Variants in ARHGAP26 observed in about 807,000 individuals in gnomAD.
ARHGAP26 encodes rho GTPase-activating protein 26.
A neutral mutation model predicts 104.8 loss-of-function variants in ARHGAP26; 38 were observed. That is an observed-to-expected ratio of 0.36 (90% CI 0.28 to 0.48). The LOEUF (loss-of-function observed/expected upper bound fraction) is 0.48, where lower values mean the gene tolerates loss of function less well. ARHGAP26 is among the 20% of genes least tolerant of loss of function. ARHGAP26 has a pLI of 0.99. For synonymous variants in ARHGAP26, 341 were observed against 340.0 expected (o/e 1.00, Z -0.03); for missense variants, 704 against 947.9 (o/e 0.74, Z 3.38).
intron 11 of ARHGAP26, among the ~76,000 whole-genome samples, chr5:142,976,179 A>G (rs900669579): frequency 1.3e-5 from 2 of 152,256 alleles, no homozygotes; most frequent in Non-Finnish European, 2.9e-5. Context: ...GCTCTTTCCC[A>G]TGAAGGATTC....
intron 20 of ARHGAP26, among the ~76,000 whole-genome samples, chr5:143,154,090 A>G (rs890812881): frequency 2.0e-5 from 3 of 151,762 alleles, no homozygotes; most frequent in African/African-American, 4.9e-5. Context: ...CATTCCACAA[A>G]TGTCAATTGA....
chr5:143,142,694 G>A (rs528188764), intron 19 of ARHGAP26, among the ~76,000 whole-genome samples: 2 of 152,264 alleles, frequency 1.3e-5, no homozygotes, highest in African/African-American at 4.8e-5. Flanking sequence ...GCTTCAGAAA[G>A]TCTGATTCCA....
intron 19 of ARHGAP26, among the ~76,000 whole-genome samples, chr5:143,146,753 C>G (rs1205993306): frequency 6.6e-6 from 1 of 152,182 alleles, no homozygotes; most frequent in African/African-American, 2.4e-5. Flanking sequence ...AATAGTAGAT[C>G]TTCTCTGGTG....
At chr5:142,927,220 C>G (rs778949779) in intron 10 of ARHGAP26, among the ~76,000 whole-genome samples, 2 of 151,784 alleles carry the variant, frequency 1.3e-5, no homozygotes, top group Non-Finnish European at 2.9e-5. Context: ...ATTTTAATAA[C>G]TTGTTATACA....
intron 3 of ARHGAP26, among the ~76,000 whole-genome samples, chr5:142,878,783 T>A (rs1157911336): frequency 1.3e-5 from 2 of 152,084 alleles, no homozygotes; most frequent in Non-Finnish European, 2.9e-5. Context: ...TTGAGGTGCA[T>A]TGGAGTGCCA....
rs1331788624 is a variant in ARHGAP26 at position 143,103,537 on chromosome 5, A to ATGT, written c.1539-17451_1539-17450insTGT. ...CTGTTCACAATAGCAAAGACTTGGA[A>ATGT]CCAACCCAAATGCCCATGAATGTTA... is the stretch of plus-strand genomic sequence containing the variant. On this transcript the variant is annotated intron_variant, in intron 17 of 22. Transcript: ENST00000645722. Among the ~76,000 whole-genome samples, 3 of 148,806 alleles carry ATGT rather than the reference A, an allele frequency of 2.0e-5. No homozygotes were observed. In the East Asian group the frequency reaches 5.9e-4, roughly 29 times the overall value.
At chr5:142,771,149 C>T (rs1755103925) in intron 1 of ARHGAP26, 3 of 1,292,270 alleles carry the variant, frequency 2.3e-6, no homozygotes, top group African/African-American at 1.5e-5. Context: ...CGGGAGGTGA[C>T]CCAGCGCGGG....
chr5:142,804,565 C>T (rs1762635295), intron 1 of ARHGAP26, among the ~76,000 whole-genome samples: 1 of 150,590 alleles, frequency 6.6e-6, no homozygotes, highest in Admixed American at 6.6e-5. Context: ...GATCTCGGCC[C>T]ACTGCAACCT....
At chr5:143,201,372 C>T (rs1209238773) in intron 20 of ARHGAP26, among the ~76,000 whole-genome samples, 1 of 152,154 alleles carries the variant, frequency 6.6e-6, no homozygotes, top group African/African-American at 2.4e-5. Context: ...ATCATTTTCT[C>T]CTCTTTTAAT....
intron 5 of ARHGAP26, among the ~76,000 whole-genome samples, chr5:142,892,102 T>C (rs1758749298): frequency 6.6e-6 from 1 of 151,974 alleles, no homozygotes; most frequent in African/African-American, 2.4e-5. Flanking sequence ...TTTCCCTGCT[T>C]GGAGTAAACT....
intron 1 of ARHGAP26, among the ~76,000 whole-genome samples, chr5:142,814,583 T>G (rs1243906956): frequency 6.6e-6 from 1 of 152,338 alleles, no homozygotes; most frequent in East Asian, 1.9e-4. Flanking sequence ...AAATCTTCAG[T>G]ACAACAAGGT....
intron 1 of ARHGAP26, among the ~76,000 whole-genome samples, chr5:142,859,007 G>T (rs1431494926): frequency 6.6e-6 from 1 of 152,214 alleles, no homozygotes; most frequent in African/African-American, 2.4e-5. Context: ...TGGGTATGGA[G>T]TGAGGGCAAG....
At chr5:143,055,336 G>A (rs2150265955) in intron 15 of ARHGAP26, among the ~76,000 whole-genome samples, 2 of 152,208 alleles carry the variant, frequency 1.3e-5, no homozygotes, top group South Asian at 4.2e-4. Flanking sequence ...TTGGCTATTG[G>A]GTAATTAGAG....
intron 18 of ARHGAP26, among the ~76,000 whole-genome samples, chr5:143,124,287 A>C (rs775971942): frequency 2.9e-4 from 44 of 152,376 alleles, no homozygotes; most frequent in Non-Finnish European, 6.0e-4. Flanking sequence ...AAACCTAGGC[A>C]TCTAGCCATT....
chr5:142,938,061 A>G (rs1409894509), intron 11 of ARHGAP26, among the ~76,000 whole-genome samples: 2 of 152,214 alleles, frequency 1.3e-5, no homozygotes, highest in African/African-American at 4.8e-5. Flanking sequence ...AGATGAACTC[A>G]TGTCAAAACT....
intron 11 of ARHGAP26, among the ~76,000 whole-genome samples, chr5:142,973,684 G>A (rs1772609187): frequency 6.6e-6 from 1 of 152,058 alleles, no homozygotes; most frequent in African/African-American, 2.4e-5. Flanking sequence ...TAAATCCATG[G>A]GTGTGGTTTT....
At chr5:142,897,014 T>C (rs1759564862) in intron 6 of ARHGAP26, among the ~76,000 whole-genome samples, 2 of 152,134 alleles carry the variant, frequency 1.3e-5, no homozygotes, top group African/African-American at 2.4e-5. Context: ...ATATAAACAG[T>C]TTTGGTAGCT....
At chr5:142,844,873 A>G (rs1011680025) in intron 1 of ARHGAP26, among the ~76,000 whole-genome samples, 10 of 151,042 alleles carry the variant, frequency 6.6e-5, no homozygotes, top group Non-Finnish European at 1.0e-4. Flanking sequence ...AAAAAAAAAG[A>G]ACTCTTTTAA....
intron 20 of ARHGAP26, among the ~76,000 whole-genome samples, chr5:143,160,295 A>G (rs2151058719): frequency 6.6e-6 from 1 of 151,868 alleles, no homozygotes; most frequent in Non-Finnish European, 1.5e-5. Context: ...TCCTGACCTC[A>G]CGATCCACCT....
Sources: allele counts gnomAD v4.1 joint callset (sites outside exome capture counted in the v4.1 genomes callset), GRCh38; gene constraint gnomAD v4.1.1; transcripts MANE v1.5; gene names NCBI Gene and HGNC (gene_info 2026-07-23, HGNC 2026-07-21).